The following XKR4 variants were observed in gnomAD, a reference collection of about 807,000 sequenced individuals.
The protein encoded by XKR4 is XK related 4, also known as XK-related protein 4.
XKR4 carries 12 observed loss-of-function variants against 53.9 expected under a neutral mutation model. The ratio of observed to expected loss-of-function variants is 0.22; its 90% confidence interval spans 0.14 to 0.36. The LOEUF (loss-of-function observed/expected upper bound fraction) is 0.36. Ranked by LOEUF, XKR4 falls within the 10% of genes least tolerant of loss-of-function variation. XKR4 has a pLI of 1.00. For synonymous variants in XKR4, 354 were observed against 362.4 expected (o/e 0.98, Z 0.26); for missense variants, 799 against 859.5 (o/e 0.93, Z 0.88).
At chr8:55,356,306 T>C (rs982708402) in intron 1 of XKR4, among the ~76,000 whole-genome samples, 2 of 152,192 alleles carry the variant, frequency 1.3e-5, no homozygotes, top group African/African-American at 4.8e-5. Flanking sequence ...CAGTCGAACT[T>C]GAAGCTGATC....
At chr8:55,231,976 G>T (rs1017994021) in intron 1 of XKR4, among the ~76,000 whole-genome samples, 1 of 152,176 alleles carries the variant, frequency 6.6e-6, no homozygotes, top group Non-Finnish European at 1.5e-5. Flanking sequence ...TCATTTAGTT[G>T]TGACTGAGAG....
intron 1 of XKR4, among the ~76,000 whole-genome samples, chr8:55,337,921 C>T (rs1212607310): frequency 6.6e-6 from 1 of 152,172 alleles, no homozygotes; most frequent in Non-Finnish European, 1.5e-5. Flanking sequence ...CATTTGGTTA[C>T]CTTGCTGCCA....
intron 1 of XKR4, among the ~76,000 whole-genome samples, chr8:55,321,371 A>T (rs144608119): frequency 6.4e-4 from 98 of 152,186 alleles, no homozygotes; most frequent in African/African-American, 2.3e-3. Context: ...AGTGTTGTCT[A>T]CACTTATTGG....
chr8:55,225,423 C>T (rs1210134343), intron 1 of XKR4, among the ~76,000 whole-genome samples: 2 of 152,098 alleles, frequency 1.3e-5, no homozygotes, highest in African/African-American at 4.8e-5. Context: ...TTTGCATTGC[C>T]CACAGTCTAA....
chr8:55,465,383 G>A (rs376528736), intron 2 of XKR4, among the ~76,000 whole-genome samples: 1 of 151,914 alleles, frequency 6.6e-6, no homozygotes, highest in Non-Finnish European at 1.5e-5. Flanking sequence ...CAAGCAATGG[G>A]GAAAGGATTC....
intron 1 of XKR4, among the ~76,000 whole-genome samples, chr8:55,112,733 T>A (rs1816250820): frequency 6.6e-6 from 1 of 152,060 alleles, no homozygotes; most frequent in Admixed American, 6.5e-5. Context: ...GATCCTTTAG[T>A]GAGGCAAGGA....
At chr8:55,231,803 A>T (rs1818044891) in intron 1 of XKR4, among the ~76,000 whole-genome samples, 1 of 152,168 alleles carries the variant, frequency 6.6e-6, no homozygotes, top group African/African-American at 2.4e-5. Context: ...GCAGAGTGGA[A>T]GTCCTTACAA....
intron 1 of XKR4, among the ~76,000 whole-genome samples, chr8:55,179,713 C>G (rs972759028): frequency 6.6e-6 from 1 of 152,070 alleles, no homozygotes; most frequent in Non-Finnish European, 1.5e-5. Flanking sequence ...TACAGCTTTA[C>G]TTTGGTTTCT....
At chr8:55,423,184 C>A (rs565383547) in intron 2 of XKR4, among the ~76,000 whole-genome samples, 4 of 152,062 alleles carry the variant, frequency 2.6e-5, no homozygotes, top group Non-Finnish European at 5.9e-5. Flanking sequence ...CAACCTCTAC[C>A]TCCCAGGTTC....
Position 55,525,226 on chromosome 8 carries a change from G to C in XKR4, c.*999G>C, listed in dbSNP as rs1806866076. 2.0e-5 allele frequency: 3 copies of C among 152,628 alleles called. No individual in the cohort carries two copies. The highest frequency in any genetic ancestry group is 7.2e-5 in the African/African-American group (3 of 41,436). The allele number at this position is 152,628 out of a possible 1,614,324, so 9.5% of individuals were successfully genotyped here. Reference sequence around the variant, plus strand: ...CCATAGGCAGATGCTGACTCTGGAAGACTCCGTGCCACTCCTTTCTAGTGC... The same window carrying C: ...CCATAGGCAGATGCTGACTCTGGAACACTCCGTGCCACTCCTTTCTAGTGC... On this transcript the variant is annotated 3_prime_UTR_variant, in exon 3 of 3. Coordinates refer to ENST00000327381, the MANE Select transcript of XKR4 (RefSeq NM_052898.2).
At chr8:55,402,226 G>A (rs990303064) in intron 2 of XKR4, among the ~76,000 whole-genome samples, 1 of 152,192 alleles carries the variant, frequency 6.6e-6, no homozygotes, top group Non-Finnish European at 1.5e-5. Context: ...CACACTTTGG[G>A]AACTACTGCA....
At chr8:55,292,035 G>T (rs1260660881) in intron 1 of XKR4, among the ~76,000 whole-genome samples, 1 of 152,028 alleles carries the variant, frequency 6.6e-6, no homozygotes, top group African/African-American at 2.4e-5. Context: ...AACCCCATTT[G>T]TTATGGTATA....
intron 2 of XKR4, among the ~76,000 whole-genome samples, chr8:55,378,540 A>C (rs777383013): frequency 7.2e-5 from 11 of 152,216 alleles, no homozygotes; most frequent in Non-Finnish European, 1.0e-4. Context: ...AATTCAGGAA[A>C]GTGGTTGCCT....
At chr8:55,205,847 G>A (rs903628111) in intron 1 of XKR4, among the ~76,000 whole-genome samples, 2 of 152,076 alleles carry the variant, frequency 1.3e-5, no homozygotes, top group Admixed American at 1.3e-4. Flanking sequence ...ATGAAGTCGC[G>A]GACCCTCGTG....
intron 1 of XKR4, among the ~76,000 whole-genome samples, chr8:55,206,066 T>G (rs1267953417): frequency 6.6e-6 from 1 of 152,186 alleles, no homozygotes; most frequent in Non-Finnish European, 1.5e-5. Context: ...TCTCTCTGGC[T>G]TCAGGAGTGA....
chr8:55,511,406 A>C (rs2129404649), intron 2 of XKR4, among the ~76,000 whole-genome samples: 1 of 152,306 alleles, frequency 6.6e-6, no homozygotes, highest in East Asian at 1.9e-4. Context: ...AGGACCTCAG[A>C]AGGGTTTGGA....
chr8:55,214,982 G>A (rs1409052636), intron 1 of XKR4, among the ~76,000 whole-genome samples: 1 of 151,654 alleles, frequency 6.6e-6, no homozygotes, highest in East Asian at 1.9e-4. Context: ...ATAGTAAATT[G>A]TGATTCTACC....
At chr8:55,520,525 A>G (rs557733202) in intron 2 of XKR4, among the ~76,000 whole-genome samples, 2 of 152,310 alleles carry the variant, frequency 1.3e-5, no homozygotes, top group South Asian at 4.1e-4. Flanking sequence ...GGTGACGGCT[A>G]CAGTAAGCTG....
intron 2 of XKR4, among the ~76,000 whole-genome samples, chr8:55,432,240 GGC>G (rs1239891052): frequency 6.6e-6 from 1 of 152,078 alleles, no homozygotes; most frequent in African/African-American, 2.4e-5. Flanking sequence ...TTGGAATCCT[GGC>G]TCCACCGTTT....
Sources: gnomAD v4.1 joint callset for allele counts (sites outside exome capture counted in the v4.1 genomes callset) on GRCh38, gnomAD v4.1.1 for gene constraint, MANE v1.5 for transcripts, NCBI Gene and HGNC (gene_info 2026-07-23, HGNC 2026-07-21) for gene names.